Variants in STX8 observed in about 807,000 individuals in gnomAD.
The protein encoded by STX8 is syntaxin-8.
STX8 carries 23 observed loss-of-function variants against 37.5 expected under a neutral mutation model. The ratio of observed to expected loss-of-function variants is 0.61; its 90% CI spans 0.44 to 0.87. The LOEUF (loss-of-function observed/expected upper bound fraction) is 0.87, where lower values mean the gene tolerates loss of function less well. Ranked by LOEUF, STX8 falls within the 40% of genes least tolerant of loss-of-function variation. The probability of loss-of-function intolerance (pLI) is 0.00; values close to 1 mark genes in which losing one functional copy is unlikely to be tolerated. For missense variants in STX8, 313 were observed against 284.7 expected (o/e 1.10, Z -0.71); for synonymous variants, 115 against 99.1 (o/e 1.16, Z -0.95).
Position 9,551,818 on chromosome 17 carries a change from C to T in STX8, c.212+5616G>A, listed in dbSNP as rs572299296. ...TCTCAGTTCTGTCTGCTTTCAGAGC[C>T]GATGTTGTTCCCACGATACCAATGG... On this transcript the variant is annotated intron_variant, in intron 3 of 7. Coordinates refer to ENST00000306357, the MANE Select transcript of STX8 (RefSeq NM_004853.3). 7.9e-5 allele frequency among the ~76,000 whole-genome samples: 12 copies of T among 151,992 alleles called. No homozygotes were observed. The South Asian group carries it at 2.3e-3, about 29-fold the overall frequency.
At chr17:9,460,438 C>T (rs746872832) in intron 6 of STX8, among the ~76,000 whole-genome samples, 31 of 151,956 alleles carry the variant, frequency 2.0e-4, no homozygotes, top group Admixed American at 5.9e-4. Context: ...TTTGGGAGTC[C>T]GAGACAGGTG....
At chr17:9,545,103 G>GA in intron 4 of STX8, 69 bp downstream of exon 4, 1 of 945,456 alleles carries the variant, frequency 1.1e-6, no homozygotes, top group South Asian at 1.5e-5. Context: ...AGCCATTCAG[G>GA]AAACAGCTGT....
intron 7 of STX8, among the ~76,000 whole-genome samples, chr17:9,305,054 G>A (rs777747849): frequency 8.6e-5 from 13 of 151,182 alleles, no homozygotes; most frequent in South Asian, 2.1e-4. Context: ...TTTCACTTTC[G>A]GTATAGTATT....
intron 6 of STX8, among the ~76,000 whole-genome samples, chr17:9,459,687 T>C (rs1905294334): frequency 6.6e-6 from 1 of 152,138 alleles, no homozygotes; most frequent in African/African-American, 2.4e-5. Flanking sequence ...AGCTAATTTT[T>C]TGTATTTTCA....
At chr17:9,289,737 G>A (rs1296052373) in intron 7 of STX8, among the ~76,000 whole-genome samples, 3 of 151,546 alleles carry the variant, frequency 2.0e-5, no homozygotes, top group South Asian at 4.2e-4. Flanking sequence ...TCGGGATCGC[G>A]CCACTGCAGT....
At chr17:9,313,342 A>G (rs1909261095) in intron 7 of STX8, among the ~76,000 whole-genome samples, 1 of 152,174 alleles carries the variant, frequency 6.6e-6, no homozygotes, top group Admixed American at 6.5e-5. Context: ...TTAGCAAAAG[A>G]GGGCTTTTTA....
intron 2 of STX8, among the ~76,000 whole-genome samples, chr17:9,562,419 A>C (rs1338494343): frequency 6.6e-6 from 1 of 152,026 alleles, no homozygotes; most frequent in Non-Finnish European, 1.5e-5. Flanking sequence ...AAAAAAAAAA[A>C]AAAACTTTCA....
rs367647518 is a variant in STX8, at chr17:9,370,471, G to T, written c.643+8081C>A. Among the ~76,000 whole-genome samples, 30 of 152,260 alleles carry T rather than the reference G, an allele frequency of 2.0e-4. No homozygotes were observed. In the East Asian group the frequency reaches 3.7e-3, roughly 19 times the overall value. ...GACTGTCGGACGCCACACCTGTGCT[G>T]CATGCTACTACTCTTAACCAGGGTC... is the stretch of plus-strand genomic sequence containing the variant. On this transcript the variant is annotated intron_variant, in intron 7 of 7. Coordinates refer to ENST00000306357, the MANE Select transcript of STX8 (RefSeq NM_004853.3).
chr17:9,419,650 T>C (rs1370623521), intron 6 of STX8, among the ~76,000 whole-genome samples: 1 of 152,080 alleles, frequency 6.6e-6, no homozygotes, highest in Non-Finnish European at 1.5e-5. Context: ...GTTAGCAGAG[T>C]TGGTCACTGG....
intron 7 of STX8, among the ~76,000 whole-genome samples, chr17:9,324,120 T>TCACACA (rs1469116831): frequency 1.6e-4 from 22 of 133,748 alleles, no homozygotes; most frequent in African/African-American, 6.3e-4. Flanking sequence ...TCTCTCTCTC[T>TCACACA]CTCTCTCACA....
intron 4 of STX8, among the ~76,000 whole-genome samples, chr17:9,532,953 T>C (rs1905874995): frequency 6.6e-6 from 1 of 152,220 alleles, no homozygotes; most frequent in African/African-American, 2.4e-5. Context: ...GCAACATATA[T>C]TCCAAATTTT....
intron 7 of STX8, among the ~76,000 whole-genome samples, chr17:9,270,513 CA>C (rs1907416836): frequency 6.6e-6 from 1 of 152,146 alleles, no homozygotes; most frequent in South Asian, 2.1e-4. Context: ...CTCGGCCTCC[CA>C]AAGTGCTGGG....
chr17:9,407,601 C>T, intron 6 of STX8, among the ~76,000 whole-genome samples: 1 of 131,104 alleles, frequency 7.6e-6, no homozygotes, highest in East Asian at 2.5e-4. Flanking sequence ...TTTAGAGAGG[C>T]ATAAAACATC....
chr17:9,547,878 C>T (rs1217137959), intron 3 of STX8, among the ~76,000 whole-genome samples: 2 of 150,770 alleles, frequency 1.3e-5, no homozygotes, highest in African/African-American at 4.9e-5. Context: ...CTGCAACCTC[C>T]ACTACCTGGG....
chr17:9,356,687 G>A (rs754777258), intron 7 of STX8, among the ~76,000 whole-genome samples: 7 of 152,190 alleles, frequency 4.6e-5, no homozygotes, highest in Non-Finnish European at 1.0e-4. Flanking sequence ...ATCTCTGCAA[G>A]TGTCTGTATT....
chr17:9,382,666 G>A (rs986109866), intron 6 of STX8, among the ~76,000 whole-genome samples: 3 of 152,150 alleles, frequency 2.0e-5, no homozygotes. Context: ...GAGAAAGGTG[G>A]CAAAGCTATA....
chr17:9,506,407 T>TCCCCCCCCCCCCCCCCC lies in STX8; in HGVS notation c.324-1246_324-1245insGGGGGGGGGGGGGGGGG, dbSNP rs57490676. 2.3e-4 allele frequency among the ~76,000 whole-genome samples: 9 copies of TCCCCCCCCCCCCCCCCC among 39,360 alleles called. 2 individuals are homozygous for TCCCCCCCCCCCCCCCCC. The highest frequency in any genetic ancestry group is 3.4e-4 in the Non-Finnish European group (7 of 20,520). The allele number at this position is 39,360 out of a possible 152,430, so 25.8% of individuals were successfully genotyped here. A position where few individuals can be genotyped will look rare whatever the true frequency, so the allele number is the denominator to read the frequency against. ...TTAGAGTCAGCTGGTGCTCACCCGC[T>TCCCCCCCCCCCCCCCCC]CCCCCCCCCCCCCACCCACCTTTCT... On this transcript the variant is annotated intron_variant, in intron 4 of 7. Coordinates refer to ENST00000306357, the MANE Select transcript of STX8 (RefSeq NM_004853.3).
At position 9,250,593 on chromosome 17, in the gene STX8, G is replaced by A; in HGVS notation, c.696C>T (p.Val232=). Residue 232 remains valine (V), a synonymous_variant, in exon 8 of 8, where the codon GTC becomes GTT. Coordinates refer to ENST00000306357, the MANE Select transcript of STX8 (RefSeq NM_004853.3). The part of the protein sequence containing the change: ...LLLVAIVVVA[V]WPTN ...TTTACTGCCATCAGTTGGTCGGCCA[G>A]ACTGCAACAACCACGATAGCCACAA... The A allele has an allele frequency of 6.3e-7, 1 of 1,597,396 alleles. No homozygotes were observed. The highest frequency in any genetic ancestry group is 8.5e-7 in the Non-Finnish European group (1 of 1,172,302).
chr17:9,251,922 G>A (rs1422328406), intron 7 of STX8, among the ~76,000 whole-genome samples: 1 of 152,188 alleles, frequency 6.6e-6, no homozygotes, highest in African/African-American at 2.4e-5. Flanking sequence ...CCAGCACTTT[G>A]GGAGGCCAAG....
Sources: allele counts gnomAD v4.1 joint callset (sites outside exome capture counted in the v4.1 genomes callset), GRCh38; gene constraint gnomAD v4.1.1; transcripts MANE v1.5; gene names NCBI Gene and HGNC (gene_info 2026-07-23, HGNC 2026-07-21).